Variants in CD81 observed in about 807,000 individuals in gnomAD.
CD81 encodes CD81 molecule.
In CD81, 10 loss-of-function variants were observed where a neutral mutation model predicts 30.1. That is an observed-to-expected ratio of 0.33 (90% CI 0.21 to 0.56). The LOEUF (loss-of-function observed/expected upper bound fraction) is 0.56, where lower values mean the gene tolerates loss of function less well. CD81 is among the 20% of genes least tolerant of loss of function. The probability of loss-of-function intolerance (pLI) is 0.89; values close to 1 mark genes in which losing one functional copy is unlikely to be tolerated. For missense variants in CD81, 263 were observed against 308.7 expected (o/e 0.85, Z 1.11); for synonymous variants, 147 against 126.4 (o/e 1.16, Z -1.10).
intron 4 of CD81, 126 bp downstream of exon 4, chr11:2,395,172 T>G (rs1454323586): frequency 6.0e-6 from 5 of 833,184 alleles, no homozygotes; most frequent in Non-Finnish European, 1.0e-5. Flanking sequence ...GGGTCCCACT[T>G]GCCAGGAGGA....
Position 2,378,480 on chromosome 11 carries a change from G to T in CD81, c.66+865G>T, listed in dbSNP as rs141275328. 1.5e-3 allele frequency among the ~76,000 whole-genome samples: 230 copies of T among 152,346 alleles called. No individual in the cohort carries two copies. The highest frequency in any genetic ancestry group is 2.4e-3 in the Non-Finnish European group (164 of 68,030). ...GGGGCCCCCACGCTGGGCATCTTTG[G>T]GTGCCAGCGTGGGTGGAGGAGGGTC... On this transcript the variant is annotated intron_variant, in intron 1 of 7. Coordinates refer to ENST00000263645, the MANE Select transcript of CD81 (RefSeq NM_004356.4). This position sits in a 1 kb window ranked among gnomAD's most constrained non-coding sequence, Gnocchi z 4.9.
At chr11:2,385,654 G>GGC (rs1372722927) in intron 1 of CD81, 3 of 32,876 alleles carry the variant, frequency 9.1e-5, no homozygotes, top group African/African-American at 4.8e-4. Context: ...CCCGTGCTGT[G>GGC]GTGTGCCCGT....
intron 1 of CD81, chr11:2,384,581 T>G (rs1211803604): frequency 1.3e-5 from 2 of 158,838 alleles, no homozygotes; most frequent in South Asian, 2.3e-4. Flanking sequence ...GCCCGGCCAC[T>G]TGGGAGGCGG....
At chr11:2,393,848 AT>A in intron 2 of CD81, 4 of 669,754 alleles carry the variant, frequency 6.0e-6, no homozygotes, top group Non-Finnish European at 1.1e-5. Flanking sequence ...CAGAGCGCTC[AT>A]GAGGTGCCCA....
At chr11:2,392,755 C>G (rs1849921442) in intron 2 of CD81, 1 of 152,414 alleles carries the variant, frequency 6.6e-6, no homozygotes, top group Admixed American at 6.5e-5. Context: ...GCTCACTCCC[C>G]TCAGAGACGC....
chr11:2,382,186 T>C (rs962658467), intron 1 of CD81, among the ~76,000 whole-genome samples: 1 of 152,164 alleles, frequency 6.6e-6, no homozygotes, highest in Non-Finnish European at 1.5e-5. Context: ...GCCATGGCCG[T>C]GGGATGGCCA....
At chr11:2,376,450 G>C (rs758962822), upstream of CD81, 2 of 152,184 alleles carry the variant, frequency 1.3e-5, no homozygotes, top group Non-Finnish European at 2.9e-5. Context: ...TCCTGCAAAG[G>C]CCTTCGCTCC....
At chr11:2,395,561 G>A (rs1214228043) in intron 5 of CD81, 41 bp downstream of exon 5, 1 of 1,498,536 alleles carries the variant, frequency 6.7e-7, no homozygotes, top group Non-Finnish European at 9.3e-7. Context: ...AGGGCCCCGG[G>A]AACCCGGCGG....
In CD81 at chr11:2,378,509, T is replaced by C. The variant is rs1047574931; in HGVS notation, c.66+894T>C. 3.3e-5 allele frequency among the ~76,000 whole-genome samples: 5 copies of C among 152,220 alleles called. No individual in the cohort carries two copies. Among genetic ancestry groups the C allele is most frequent in the Admixed American group, 1.3e-4 (2 of 15,290 alleles). On this transcript the variant is annotated intron_variant, in intron 1 of 7. Coordinates refer to ENST00000263645, the MANE Select transcript of CD81 (RefSeq NM_004356.4). The surrounding 1 kb of genome is among the most constrained non-coding windows in gnomAD (Gnocchi z 4.9). ...CCAGCGTGGGTGGAGGAGGGTCTTT[T>C]GCTGAGAATGGCTTTCTCCTGACCG...
At position 2,386,495 on chromosome 11, in the gene CD81, C is replaced by T. The variant is rs141905519; in HGVS notation, c.67-3917C>T. ...GTAGGTGGCCCTAGGGGGGTCCCTC[C>T]GCCTCCGTTTCCTCATCCAGAAACC... On this transcript the variant is annotated intron_variant, in intron 1 of 7. Transcript: ENST00000263645. The T allele has an allele frequency of 3.8e-4, 268 of 710,830 alleles. 1 individual carries two copies. The African/African-American group carries it at 4.3e-3, about 12-fold the overall frequency. 44.0% of individuals were successfully genotyped at this position (710,830 alleles called of 1,614,324 possible).
chr11:2,390,498 C>T lies in CD81; in HGVS notation c.153C>T (p.Asp51=), dbSNP rs1849879199. ...ACCTCCTGTATCTGGAGCTGGGAGACAAGCCCGCGCCCAACACCTTCTATG... is the reference window on the plus strand; with the variant it reads ...ACCTCCTGTATCTGGAGCTGGGAGATAAGCCCGCGCCCAACACCTTCTATG... The part of the protein sequence containing the change: ...TTNLLYLELG[D]KPAPNTFYVG... Residue 51 remains aspartate (D), a synonymous_variant, in exon 2 of 8, where the codon GAC becomes GAT. Coordinates refer to ENST00000263645, the MANE Select transcript of CD81 (RefSeq NM_004356.4). 6.2e-7 allele frequency: 1 copy of T among 1,612,750 alleles called. No homozygotes were observed. Among genetic ancestry groups the T allele is most frequent in the Non-Finnish European group, 8.5e-7 (1 of 1,179,876 alleles).
intron 6 of CD81, 199 bp from the exon 7 acceptor site, chr11:2,396,429 T>C: frequency 1.4e-5 from 9 of 629,520 alleles, no homozygotes; most frequent in Non-Finnish European, 2.6e-5. Flanking sequence ...TTCGCGTTTA[T>C]GTTAAAACGG....
Position 2,397,212 on chromosome 11 carries a change from G to A in CD81, c.*346G>A. 2.4e-6 allele frequency: 1 copy of A among 414,268 alleles called. No individual in the cohort carries two copies. The highest frequency in any genetic ancestry group is 2.2e-5 in the South Asian group (1 of 45,670). 25.7% of individuals were successfully genotyped at this position (414,268 alleles called of 1,614,324 possible). On this transcript the variant is annotated 3_prime_UTR_variant, in exon 8 of 8. Transcript: ENST00000263645. ...CAGCTTGGCCAACTTGGGGGGCTGT[G>A]TCCACCCAGCCCGCCCGTCCTGTGG...
chr11:2,379,579 G>C (rs981574317), intron 1 of CD81, among the ~76,000 whole-genome samples: 1 of 152,006 alleles, frequency 6.6e-6, no homozygotes, highest in Non-Finnish European at 1.5e-5. Context: ...CGGTGTGTCA[G>C]CACTGGGTGA....
intron 1 of CD81, chr11:2,385,799 G>A (rs185632376): frequency 3.4e-5 from 21 of 617,852 alleles, no homozygotes; most frequent in South Asian, 1.1e-4. Flanking sequence ...AGGTTCACCC[G>A]TTCACCGGTC....
chr11:2,377,682 C>A lies in CD81; in HGVS notation c.66+67C>A. ...CACACTCCACGTTGGGCAGGTCCCG[C>A]GGCAGCGTGCTAGGCCCCGCGGGCG... is the stretch of plus-strand genomic sequence containing the variant. On this transcript the variant is annotated intron_variant, in intron 1 of 7. Coordinates refer to ENST00000263645, the MANE Select transcript of CD81 (RefSeq NM_004356.4). This position sits in a 1 kb window ranked among gnomAD's most constrained non-coding sequence, Gnocchi z 7.7. 2 of 1,119,658 alleles carry A rather than the reference C, an allele frequency of 1.8e-6. No homozygotes were observed. Among genetic ancestry groups the A allele is most frequent in the Non-Finnish European group, 2.5e-6 (2 of 801,824 alleles). The allele number at this position is 1,119,658 out of a possible 1,614,324, so 69.4% of individuals were successfully genotyped here. A position where few individuals can be genotyped will look rare whatever the true frequency, so the allele number is the denominator to read the frequency against.
intron 1 of CD81, chr11:2,385,670 G>GTTCCTT (rs1564990977): frequency 6.3e-5 from 16 of 254,972 alleles, no homozygotes; most frequent in Admixed American, 1.5e-4. Flanking sequence ...CCCGTCGTCT[G>GTTCCTT]TGCACCCGTG....
At chr11:2,380,955 A>G (rs1050458354) in intron 1 of CD81, among the ~76,000 whole-genome samples, 3 of 152,202 alleles carry the variant, frequency 2.0e-5, no homozygotes, top group Non-Finnish European at 4.4e-5. Flanking sequence ...ACTGATTAGA[A>G]GCCTCGCTCA....
chr11:2,379,787 G>T lies in CD81; in HGVS notation c.66+2172G>T, dbSNP rs76394273. Among the ~76,000 whole-genome samples, 1,509 of 152,226 alleles carry T rather than the reference G, an allele frequency of 9.9e-3. 21 individuals carry two copies. The highest frequency in any genetic ancestry group is 0.034 in the African/African-American group (1,395 of 41,516). On this transcript the variant is annotated intron_variant, in intron 1 of 7. Coordinates refer to ENST00000263645, the MANE Select transcript of CD81 (RefSeq NM_004356.4). ...GGGCCTGCTCCCTGCAAAGCATTGA[G>T]AACTGAGTCCGTCCACAGTCACTGT... is the stretch of plus-strand genomic sequence containing the variant.
Sources: allele counts gnomAD v4.1 joint callset (sites outside exome capture counted in the v4.1 genomes callset), GRCh38; gene constraint gnomAD v4.1.1; non-coding constraint Gnocchi (gnomAD v3.1); transcripts MANE v1.5; gene names NCBI Gene and HGNC (gene_info 2026-07-23, HGNC 2026-07-21).